Variants in L3MBTL4 observed in about 807,000 individuals in gnomAD.
L3MBTL4 encodes lethal(3)malignant brain tumor-like protein 4.
Under a neutral mutation model 84.5 loss-of-function variants are expected in L3MBTL4, and 70 were observed. That is an observed-to-expected ratio of 0.83 (90% CI 0.68 to 1.01). The LOEUF (loss-of-function observed/expected upper bound fraction) is 1.01. Ranked by LOEUF, L3MBTL4 falls within the 50% of genes least tolerant of loss-of-function variation. L3MBTL4 has a pLI of 0.00. For synonymous variants in L3MBTL4, 274 were observed against 259.8 expected (o/e 1.05, Z -0.52); for missense variants, 715 against 754.8 (o/e 0.95, Z 0.62).
At chr18:6,343,463 A>G (rs767485844) in intron 1 of L3MBTL4, among the ~76,000 whole-genome samples, 1 of 152,112 alleles carries the variant, frequency 6.6e-6, no homozygotes, top group Non-Finnish European at 1.5e-5. Context: ...GGAGATTGAG[A>G]CCATCCTGAC....
chr18:6,056,722 G>C (rs577600399), intron 16 of L3MBTL4, among the ~76,000 whole-genome samples: 2 of 152,200 alleles, frequency 1.3e-5, no homozygotes, highest in African/African-American at 4.8e-5. Flanking sequence ...TTAACTCCGT[G>C]GGTGTCCTGA....
chr18:6,330,042 A>G (rs1244808560), intron 1 of L3MBTL4, among the ~76,000 whole-genome samples: 1 of 152,164 alleles, frequency 6.6e-6, no homozygotes, highest in African/African-American at 2.4e-5. Flanking sequence ...AGTGTGTAAA[A>G]CACATTTATC....
chr18:6,261,212 A>G (rs1027290528), intron 5 of L3MBTL4, among the ~76,000 whole-genome samples: 3 of 152,228 alleles, frequency 2.0e-5, no homozygotes, highest in Non-Finnish European at 2.9e-5. Flanking sequence ...ACACCATGTC[A>G]TACGTTCTTT....
chr18:6,339,903 G>T (rs1030233258), intron 1 of L3MBTL4, among the ~76,000 whole-genome samples: 10 of 152,164 alleles, frequency 6.6e-5, no homozygotes, highest in African/African-American at 2.4e-4. Context: ...ATTCTACTTT[G>T]TCCATAAAAT....
intron 12 of L3MBTL4, among the ~76,000 whole-genome samples, chr18:6,190,898 T>C (rs2045048702): frequency 6.6e-6 from 1 of 151,706 alleles, no homozygotes; most frequent in Non-Finnish European, 1.5e-5. Flanking sequence ...ACAGCCAGAG[T>C]AGAGATCCTG....
intron 4 of L3MBTL4, among the ~76,000 whole-genome samples, chr18:6,269,159 T>C (rs34573542): frequency 0.011 from 1,643 of 152,302 alleles, 22 homozygotes; most frequent in Non-Finnish European, 0.018. Flanking sequence ...GCTTTGTAAA[T>C]TTGATTAAAA....
At chr18:6,125,063 C>T (rs9947061) in intron 14 of L3MBTL4, among the ~76,000 whole-genome samples, 2,402 of 151,722 alleles carry the variant, frequency 0.016, 70 homozygotes, top group African/African-American at 0.056. Context: ...GGTTTAGAAA[C>T]GCATCTGAAA....
At chr18:6,035,837 G>A (rs751684731) in intron 16 of L3MBTL4, among the ~76,000 whole-genome samples, 3 of 152,132 alleles carry the variant, frequency 2.0e-5, no homozygotes, top group Admixed American at 6.5e-5. Context: ...ACAAGAGAAA[G>A]CAGGAAAGAT....
At chr18:6,130,525 CTGTGT>C in intron 14 of L3MBTL4, among the ~76,000 whole-genome samples, 1 of 152,132 alleles carries the variant, frequency 6.6e-6, no homozygotes, top group East Asian at 1.9e-4. Context: ...ATGCTGTGCC[CTGTGT>C]CCCACACAGG....
intron 1 of L3MBTL4, among the ~76,000 whole-genome samples, chr18:6,376,216 G>A (rs2144270042): frequency 6.6e-6 from 1 of 152,244 alleles, no homozygotes; most frequent in Non-Finnish European, 1.5e-5. Context: ...CAGCCCACCT[G>A]GAGCACGGCA....
intron 17 of L3MBTL4, among the ~76,000 whole-genome samples, chr18:5,964,100 C>T (rs1035603220): frequency 1.3e-5 from 2 of 152,226 alleles, no homozygotes; most frequent in African/African-American, 4.8e-5. Flanking sequence ...GAGGTGTCCC[C>T]CACAGTGCTG....
At chr18:6,310,462 C>A (rs765734685) in intron 3 of L3MBTL4, among the ~76,000 whole-genome samples, 9 of 152,166 alleles carry the variant, frequency 5.9e-5, no homozygotes, top group Non-Finnish European at 1.2e-4. Flanking sequence ...TTGAAACCAA[C>A]CTCAAACCAG....
At chr18:6,312,363 A>G (rs1483602940) in intron 1 of L3MBTL4, among the ~76,000 whole-genome samples, 1 of 152,152 alleles carries the variant, frequency 6.6e-6, no homozygotes, top group Non-Finnish European at 1.5e-5. Flanking sequence ...CTTTATTGAT[A>G]TTTCCACCTG....
intron 16 of L3MBTL4, among the ~76,000 whole-genome samples, chr18:5,973,144 T>C (rs1033642907): frequency 2.6e-5 from 4 of 152,214 alleles, no homozygotes; most frequent in African/African-American, 9.6e-5. Context: ...AAAGCCAGTG[T>C]GGCTAATGTG....
chr18:6,379,049 G>A (rs989998835), intron 1 of L3MBTL4, among the ~76,000 whole-genome samples: 1 of 152,134 alleles, frequency 6.6e-6, no homozygotes, highest in Non-Finnish European at 1.5e-5. Context: ...CTTGTAAGTT[G>A]TATTCCTAGG....
intron 13 of L3MBTL4, among the ~76,000 whole-genome samples, chr18:6,144,315 A>G (rs2042557717): frequency 6.6e-6 from 1 of 151,988 alleles, no homozygotes; most frequent in African/African-American, 2.4e-5. Flanking sequence ...CTTGTCTGAA[A>G]TCCCTCTCTG....
chr18:6,365,270 A>C (rs2053885685), intron 1 of L3MBTL4, among the ~76,000 whole-genome samples: 1 of 152,204 alleles, frequency 6.6e-6, no homozygotes, highest in Non-Finnish European at 1.5e-5. Flanking sequence ...CAGGCAAAAA[A>C]AGAGAGGAAG....
intron 10 of L3MBTL4, among the ~76,000 whole-genome samples, chr18:6,219,544 T>G (rs1183431081): frequency 6.9e-6 from 1 of 145,616 alleles, no homozygotes; most frequent in African/African-American, 2.5e-5. Context: ...AACCAAAGCG[T>G]GGAAAAAGTG....
intron 1 of L3MBTL4, among the ~76,000 whole-genome samples, chr18:6,362,411 T>C (rs1207092577): frequency 6.6e-6 from 1 of 152,160 alleles, no homozygotes; most frequent in Non-Finnish European, 1.5e-5. Context: ...ATCTTTATAC[T>C]TTTGTCTGCT....
Sources: allele counts gnomAD v4.1 joint callset (sites outside exome capture counted in the v4.1 genomes callset), GRCh38; gene constraint gnomAD v4.1.1; transcripts MANE v1.5; gene names NCBI Gene and HGNC (gene_info 2026-07-23, HGNC 2026-07-21).